COBLL1: variants seen among roughly 807,000 people sequenced by gnomAD.
COBLL1 encodes the protein cordon-bleu protein-like 1.
COBLL1 carries 50 observed loss-of-function variants against 94.8 expected under a neutral mutation model. That is an observed-to-expected ratio of 0.53 (90% confidence interval 0.42 to 0.67). The LOEUF (loss-of-function observed/expected upper bound fraction) is 0.67. Among genes scored for constraint, COBLL1 ranks in the 30% least tolerant of loss-of-function variants. The pLI is 0.00. For synonymous variants in COBLL1, 448 were observed against 473.8 expected (o/e 0.95, Z 0.71); for missense variants, 1,362 against 1,348.7 (o/e 1.01, Z -0.15).
At chr2:164,757,349 G>A (rs1389206852) in intron 2 of COBLL1, among the ~76,000 whole-genome samples, 1 of 151,934 alleles carries the variant, frequency 6.6e-6, no homozygotes, top group South Asian at 2.1e-4. Context: ...ATTCACTCAG[G>A]ATCAGTGAAT....
rs182854179 is a variant in COBLL1, at chr2:164,759,575, A to G, written c.42-15700T>C. 3.9e-5 allele frequency among the ~76,000 whole-genome samples: 6 copies of G among 152,268 alleles called. No homozygotes were observed. The South Asian group carries it at 1.0e-3, about 26-fold the overall frequency. On this transcript the variant is annotated intron_variant, in intron 2 of 13. Coordinates refer to ENST00000652658, the MANE Select transcript of COBLL1 (RefSeq NM_001365672.2). ...GTATATAAAAAAATTTGACTTCATC[A>G]AAAATTAAAAACTTCTGTTCTGTGA... is the stretch of plus-strand genomic sequence containing the variant.
chr2:164,813,428 G>T (rs1157839142), intron 2 of COBLL1, among the ~76,000 whole-genome samples: 1 of 152,050 alleles, frequency 6.6e-6, no homozygotes, highest in Non-Finnish European at 1.5e-5. Flanking sequence ...AATCATGGTT[G>T]CTTTTTTAGC....
intron 2 of COBLL1, among the ~76,000 whole-genome samples, chr2:164,766,528 C>T (rs1368497744): frequency 1.3e-5 from 2 of 152,164 alleles, no homozygotes; most frequent in Non-Finnish European, 2.9e-5. Context: ...TTGCCTTCTG[C>T]CATGATTATA....
downstream of COBLL1, among the ~76,000 whole-genome samples, chr2:164,679,437 A>C (rs1474486987): frequency 6.6e-6 from 1 of 152,100 alleles, no homozygotes; most frequent in Non-Finnish European, 1.5e-5. Context: ...AGGAAAAAAA[A>C]ACTTTTTGAA....
At chr2:164,776,602 C>G (rs1688475541) in intron 2 of COBLL1, among the ~76,000 whole-genome samples, 1 of 151,808 alleles carries the variant, frequency 6.6e-6, no homozygotes, top group African/African-American at 2.4e-5. Context: ...TCTGCCCCCT[C>G]CCCGCCCACC....
At chr2:164,746,799 C>G (rs1686879856) in intron 2 of COBLL1, among the ~76,000 whole-genome samples, 1 of 152,054 alleles carries the variant, frequency 6.6e-6, no homozygotes, top group African/African-American at 2.4e-5. Flanking sequence ...TCACTGCATT[C>G]CAATCTCAGG....
At chr2:164,802,897 G>A (rs1375559530) in intron 2 of COBLL1, among the ~76,000 whole-genome samples, 1 of 152,140 alleles carries the variant, frequency 6.6e-6, no homozygotes, top group Non-Finnish European at 1.5e-5. Flanking sequence ...ATAATTAAAG[G>A]AAGACATGAA....
Position 164,684,221 on chromosome 2 carries a change from G to A in COBLL1, c.*1725C>T, listed in dbSNP as rs1273121786. The A allele has an allele frequency of 1.3e-5, 2 of 151,950 alleles. No homozygotes were observed. The highest frequency in any genetic ancestry group is 2.9e-5 in the Non-Finnish European group (2 of 67,970). 9.4% of individuals were successfully genotyped at this position (151,950 alleles called of 1,614,324 possible). ...TTTCCTCTTGTAAGAATAATGTGCT[G>A]ATATTTCTATTAGGTAGACTTATCA... On this transcript the variant is annotated 3_prime_UTR_variant, in exon 14 of 14. Transcript: ENST00000652658.
intron 2 of COBLL1, among the ~76,000 whole-genome samples, chr2:164,805,331 C>G (rs2969610): frequency 1.4e-4 from 3 of 21,294 alleles, no homozygotes; most frequent in Admixed American, 8.4e-4. Context: ...CTCTCTCTCT[C>G]TCTCTCTATA....
At position 164,661,980 on chromosome 2, in the gene COBLL1, T is replaced by C. The variant is rs998447147; in HGVS notation, n.181+3867A>G. Reference sequence around the variant, plus strand: ...AGCTTCCTAATAATCACACAAATTATTCACTCTTGTTTTTAAATTCATATC... The same window carrying C: ...AGCTTCCTAATAATCACACAAATTACTCACTCTTGTTTTTAAATTCATATC... On this transcript the variant is annotated intron_variant and non_coding_transcript_variant, in intron 2 of 2. Coordinates refer to the COBLL1 transcript ENST00000495084. Among the ~76,000 whole-genome samples, 3 of 152,220 alleles carry C rather than the reference T, an allele frequency of 2.0e-5. No individual in the cohort carries two copies. The East Asian group carries it at 5.8e-4, about 29-fold the overall frequency.
chr2:164,832,618 C>T (rs1683127776), intron 2 of COBLL1, among the ~76,000 whole-genome samples: 1 of 152,114 alleles, frequency 6.6e-6, no homozygotes. Context: ...ATTTTTACAC[C>T]TTTATGTACA....
chr2:164,822,947 T>G (rs1235923533), intron 2 of COBLL1, among the ~76,000 whole-genome samples: 1 of 151,890 alleles, frequency 6.6e-6, no homozygotes, highest in Non-Finnish European at 1.5e-5. Context: ...TTTTGTATAT[T>G]TAGGAGAGAC....
chr2:164,802,652 T>C (rs1683870965), intron 2 of COBLL1, among the ~76,000 whole-genome samples: 1 of 152,230 alleles, frequency 6.6e-6, no homozygotes, highest in Admixed American at 6.5e-5. Flanking sequence ...AGGTTTTAGA[T>C]ATAGAAAATC....
At chr2:164,781,254 G>A (rs1208851700) in intron 2 of COBLL1, among the ~76,000 whole-genome samples, 1 of 151,836 alleles carries the variant, frequency 6.6e-6, no homozygotes, top group African/African-American at 2.4e-5. Context: ...TATTTTTTAG[G>A]TACCTCATAT....
intron 2 of COBLL1, among the ~76,000 whole-genome samples, chr2:164,801,946 A>G (rs1257918350): frequency 6.6e-6 from 1 of 152,236 alleles, no homozygotes; most frequent in Non-Finnish European, 1.5e-5. Flanking sequence ...CCCATGTCCT[A>G]TTGCTTAAGC....
At chr2:164,700,011 T>G (rs1574431031) in intron 10 of COBLL1, among the ~76,000 whole-genome samples, 1 of 152,078 alleles carries the variant, frequency 6.6e-6, no homozygotes, top group African/African-American at 2.4e-5. Flanking sequence ...TTTATCCATG[T>G]TGTTGCATTT....
At chr2:164,805,287 G>GTCTCTGTCTCTCTCTC (rs1684038568) in intron 2 of COBLL1, among the ~76,000 whole-genome samples, 1 of 34,232 alleles carries the variant, frequency 2.9e-5, no homozygotes, top group African/African-American at 1.3e-4. Context: ...CTCTCTGTCT[G>GTCTCTGTCTCTCTCTC]TCTCTCTCTC....
At chr2:164,753,865 C>A in intron 2 of COBLL1, among the ~76,000 whole-genome samples, 1 of 151,710 alleles carries the variant, frequency 6.6e-6, no homozygotes. Context: ...CCTCAGCCTC[C>A]TGAGTAGCTG....
At chr2:164,711,837 G>C (rs1022043801) in intron 7 of COBLL1, among the ~76,000 whole-genome samples, 9 of 152,206 alleles carry the variant, frequency 5.9e-5, no homozygotes, top group African/African-American at 2.2e-4. Context: ...ACTTACTAGG[G>C]GAAACTGCTT....
Sources: gnomAD v4.1 joint callset for allele counts (sites outside exome capture counted in the v4.1 genomes callset) on GRCh38, gnomAD v4.1.1 for gene constraint, MANE v1.5 for transcripts, NCBI Gene and HGNC (gene_info 2026-07-23, HGNC 2026-07-21) for gene names.